ZC3H3: variants seen among roughly 807,000 people sequenced by gnomAD.
ZC3H3 encodes the protein zinc finger CCCH-type containing 3.
In ZC3H3, 36 loss-of-function variants were observed where a neutral mutation model predicts 77.3. The ratio of observed to expected loss-of-function variants is 0.47; its 90% CI spans 0.36 to 0.61. The LOEUF (loss-of-function observed/expected upper bound fraction) is 0.61. Ranked by LOEUF, ZC3H3 falls within the 20% of genes least tolerant of loss-of-function variation. The pLI, the probability that ZC3H3 is intolerant of heterozygous loss-of-function variation, is 0.00. For synonymous variants in ZC3H3, 626 were observed against 555.2 expected, an observed-to-expected ratio of 1.13 and a Z score of -1.79; for missense variants, 1,331 against 1,312.2, an observed-to-expected ratio of 1.01 and a Z score of -0.22.
intron 4 of ZC3H3, among the ~76,000 whole-genome samples, chr8:143,478,670 C>T (rs1330614903): frequency 2.0e-5 from 3 of 152,184 alleles, no homozygotes; most frequent in Non-Finnish European, 4.4e-5. Context: ...CCAACACGCC[C>T]GGCTAATTTT....
At chr8:143,442,281 G>A (rs1229285517) in intron 9 of ZC3H3, among the ~76,000 whole-genome samples, 7 of 152,020 alleles carry the variant, frequency 4.6e-5, no homozygotes, top group Non-Finnish European at 8.8e-5. Flanking sequence ...CCTGCGACAC[G>A]GAGTCTGAGT....
chr8:143,511,052 G>A, intron 3 of ZC3H3, among the ~76,000 whole-genome samples: 1 of 152,226 alleles, frequency 6.6e-6, no homozygotes, highest in East Asian at 1.9e-4. Flanking sequence ...GAAACTGCTG[G>A]CATCATATGT....
At position 143,440,072 on chromosome 8, in the gene ZC3H3, C is replaced by G. The variant is rs778921710; in HGVS notation, c.2784G>C (p.Arg928=). 1 of 1,588,056 alleles carries G rather than the reference C, an allele frequency of 6.3e-7. No homozygotes were observed. The highest frequency in any genetic ancestry group is 2.3e-5 in the East Asian group (1 of 44,122). The change falls in exon 11 of 12, where the codon CGG becomes CGC. Residue 928 remains arginine, a synonymous_variant. Coordinates refer to ENST00000262577, the MANE Select transcript of ZC3H3 (RefSeq NM_015117.3). The part of the protein sequence containing the change: ...SPSPGAQPRV[R]APRAPLTKDS... Reference sequence around the variant, plus strand: ...CCTTGGTGAGGGGGGCCCTAGGGGCCCGGACCCTGGGCTGGGCTCCTGGGC... The same window carrying G: ...CCTTGGTGAGGGGGGCCCTAGGGGCGCGGACCCTGGGCTGGGCTCCTGGGC...
chr8:143,480,021 C>T (rs1447525982), intron 4 of ZC3H3, among the ~76,000 whole-genome samples: 1 of 152,212 alleles, frequency 6.6e-6, no homozygotes, highest in Non-Finnish European at 1.5e-5. Flanking sequence ...TCTCTGAAAG[C>T]CCCTGTCCTG....
At chr8:143,461,653 T>A (rs1035122061) in intron 9 of ZC3H3, among the ~76,000 whole-genome samples, 1 of 152,168 alleles carries the variant, frequency 6.6e-6, no homozygotes, top group Non-Finnish European at 1.5e-5. Flanking sequence ...CTTGACTCTG[T>A]AATAAAAACG....
chr8:143,540,504 A>G (rs996736757), intron 1 of ZC3H3, among the ~76,000 whole-genome samples: 18 of 152,318 alleles, frequency 1.2e-4, no homozygotes, highest in African/African-American at 4.3e-4. Context: ...TGCTGGGATT[A>G]CAGGTGTGGG....
chr8:143,470,901 T>C (rs544800298), intron 5 of ZC3H3, among the ~76,000 whole-genome samples: 5 of 152,302 alleles, frequency 3.3e-5, no homozygotes, highest in South Asian at 2.1e-4. Flanking sequence ...GAAGGCGCCA[T>C]GCATTCCAGA....
intron 4 of ZC3H3, among the ~76,000 whole-genome samples, chr8:143,492,427 C>A (rs2129971599): frequency 6.6e-6 from 1 of 152,288 alleles, no homozygotes; most frequent in South Asian, 2.1e-4. Context: ...CAGTCCAGGA[C>A]ACACTGGCCC....
rs1028749444 is a variant in ZC3H3 at position 143,494,572 on chromosome 8, CGAGGGCCAGCCGGGAAG to C, written c.1715+13157_1715+13173del. ...ACAGCGGCGCCGGCAGAACCCAGAGCGAGGGCCAGCCGGGAAGGAGGGCCGGCCGGGACAGGAGGGAA... is the reference window on the plus strand; with the variant it reads ...ACAGCGGCGCCGGCAGAACCCAGAGCGAGGGCCGGCCGGGACAGGAGGGAA... On this transcript the variant is annotated intron_variant, in intron 4 of 11. Coordinates refer to ENST00000262577, the MANE Select transcript of ZC3H3 (RefSeq NM_015117.3). This position sits in a 1 kb window ranked among gnomAD's most constrained non-coding sequence, Gnocchi z 5.3. Among the ~76,000 whole-genome samples, 15 of 152,110 alleles carry C rather than the reference CGAGGGCCAGCCGGGAAG, an allele frequency of 9.9e-5. No homozygotes were observed. Among genetic ancestry groups the C allele is most frequent in the African/African-American group, 3.6e-4 (15 of 41,490 alleles).
intron 3 of ZC3H3, among the ~76,000 whole-genome samples, chr8:143,521,018 G>A (rs572497956): frequency 7.9e-5 from 12 of 152,330 alleles, no homozygotes; most frequent in African/African-American, 1.9e-4. Flanking sequence ...TAGACGGCCC[G>A]CCCGGCCCAC....
chr8:143,526,221 A>G (rs1652676234), intron 3 of ZC3H3, among the ~76,000 whole-genome samples: 1 of 152,188 alleles, frequency 6.6e-6, no homozygotes, highest in African/African-American at 2.4e-5. Context: ...AGCACCTCCC[A>G]CCAAGAGTCA....
intron 2 of ZC3H3, among the ~76,000 whole-genome samples, chr8:143,537,751 T>C (rs919038380): frequency 2.0e-5 from 3 of 152,218 alleles, no homozygotes; most frequent in Admixed American, 2.0e-4. Context: ...TGCTTGTCTC[T>C]CACCGGCAGG....
intron 4 of ZC3H3, among the ~76,000 whole-genome samples, chr8:143,482,303 C>T (rs1038447591): frequency 2.0e-5 from 3 of 152,232 alleles, no homozygotes; most frequent in African/African-American, 7.2e-5. Flanking sequence ...GAGGCCGGCC[C>T]TACTTACCAC....
At chr8:143,475,727 G>T in intron 4 of ZC3H3, 142 bp from the exon 5 acceptor site, 1 of 978,854 alleles carries the variant, frequency 1.0e-6, no homozygotes, top group Non-Finnish European at 1.4e-6. Context: ...CTCCAGCTGG[G>T]TGACCACGGG....
chr8:143,529,563 C>T (rs1052028413), intron 3 of ZC3H3, among the ~76,000 whole-genome samples: 1 of 152,214 alleles, frequency 6.6e-6, no homozygotes, highest in Non-Finnish European at 1.5e-5. Flanking sequence ...ACCGAGAAGT[C>T]AGGAGGCAGC....
At chr8:143,497,991 G>A (rs907602255) in intron 4 of ZC3H3, among the ~76,000 whole-genome samples, 1 of 152,192 alleles carries the variant, frequency 6.6e-6, no homozygotes, top group African/African-American at 2.4e-5. Flanking sequence ...AAGTCCCCAC[G>A]GGGCCATAGC....
chr8:143,532,765 T>C (rs1822658653), intron 3 of ZC3H3, among the ~76,000 whole-genome samples: 2 of 152,136 alleles, frequency 1.3e-5, no homozygotes, highest in Admixed American at 1.3e-4. Flanking sequence ...ACGGTGGGCC[T>C]TGCAGGAGGG....
intron 3 of ZC3H3, among the ~76,000 whole-genome samples, chr8:143,532,257 A>T (rs1030926231): frequency 3.3e-5 from 5 of 152,230 alleles, no homozygotes; most frequent in African/African-American, 9.6e-5. Context: ...GACGGAGGCG[A>T]TAGGAGGGGC....
chr8:143,473,272 G>A (rs1198085352), intron 5 of ZC3H3, among the ~76,000 whole-genome samples: 1 of 152,082 alleles, frequency 6.6e-6, no homozygotes, highest in African/African-American at 2.4e-5. Context: ...TCCTGCCCAG[G>A]CCTCTGCATG....
Sources: gnomAD v4.1 joint callset for allele counts (sites outside exome capture counted in the v4.1 genomes callset) on GRCh38, gnomAD v4.1.1 for gene constraint, Gnocchi (gnomAD v3.1) non-coding constraint, MANE v1.5 for transcripts, NCBI Gene and HGNC (gene_info 2026-07-23, HGNC 2026-07-21) for gene names.